The following GAS7 variants were observed in gnomAD, a reference collection of about 807,000 sequenced individuals.
GAS7 encodes growth arrest specific 7, also known as growth arrest-specific protein 7.
Under a neutral mutation model 71.1 loss-of-function variants are expected in GAS7, and 28 were observed. The ratio of observed to expected loss-of-function variants is 0.39; its 90% CI spans 0.29 to 0.54. GAS7 has a LOEUF of 0.54. Ranked by LOEUF, GAS7 falls within the 20% of genes least tolerant of loss-of-function variation. The pLI is 0.62. For missense variants in GAS7, 436 were observed against 627.8 expected (o/e 0.69, Z 3.27); for synonymous variants, 258 against 245.8 (o/e 1.05, Z -0.46).
intron 1 of GAS7, among the ~76,000 whole-genome samples, chr17:10,146,954 G>A (rs1037108373): frequency 3.4e-5 from 3 of 87,036 alleles, no homozygotes; most frequent in South Asian, 4.8e-4. Flanking sequence ...GCGAGACTCC[G>A]TCTCATAAAA....
At chr17:10,045,958 G>T (rs532553511) in intron 1 of GAS7, among the ~76,000 whole-genome samples, 1 of 152,086 alleles carries the variant, frequency 6.6e-6, no homozygotes, top group Admixed American at 6.6e-5. Context: ...TCACAGATTT[G>T]ATTTGGTTTC....
At chr17:9,999,487 T>C (rs968802471) in intron 2 of GAS7, among the ~76,000 whole-genome samples, 8 of 151,420 alleles carry the variant, frequency 5.3e-5, no homozygotes, top group African/African-American at 1.7e-4. Context: ...CACTGCACTC[T>C]ACCCTAAGTG....
At chr17:10,048,928 G>A (rs1224276082) in intron 1 of GAS7, among the ~76,000 whole-genome samples, 3 of 152,192 alleles carry the variant, frequency 2.0e-5, no homozygotes, top group African/African-American at 7.2e-5. Context: ...ATTGCGGGGG[G>A]GAAGATTAGT....
chr17:9,941,096 A>T (rs1040848377), intron 7 of GAS7, among the ~76,000 whole-genome samples: 2 of 152,198 alleles, frequency 1.3e-5, no homozygotes, highest in Non-Finnish European at 2.9e-5. Context: ...TGATGGAGAG[A>T]GGGCGGCTGA....
chr17:9,937,981 C>T (rs1005600794), intron 8 of GAS7, among the ~76,000 whole-genome samples: 7 of 152,138 alleles, frequency 4.6e-5, no homozygotes, highest in Non-Finnish European at 7.4e-5. Flanking sequence ...GCATTTAGGA[C>T]GAGACCAAAT....
rs566421543 is a variant in GAS7, at chr17:10,095,160, T to C, written c.184-75263A>G. Among the ~76,000 whole-genome samples the C allele has an allele frequency of 7.2e-5, 11 of 152,332 alleles. No homozygotes were observed. The South Asian group carries it at 2.3e-3, about 32-fold the overall frequency. On this transcript the variant is annotated intron_variant, in intron 1 of 13. Coordinates refer to ENST00000432992, the MANE Select transcript of GAS7 (RefSeq NM_201433.2). ...ACAGGGCTCTTATGGACGCTGAATGTGCCAAGAAGTGTAAATTACACCTGG... is the reference window on the plus strand; with the variant it reads ...ACAGGGCTCTTATGGACGCTGAATGCGCCAAGAAGTGTAAATTACACCTGG...
chr17:10,178,354 G>A (rs1051142871), intron 1 of GAS7, among the ~76,000 whole-genome samples: 2 of 151,704 alleles, frequency 1.3e-5, no homozygotes, highest in African/African-American at 2.4e-5. Flanking sequence ...CAAACTCGCC[G>A]CCCCCACCCC....
intron 2 of GAS7, among the ~76,000 whole-genome samples, chr17:10,016,612 A>C (rs1597695524): frequency 6.8e-6 from 1 of 146,622 alleles, no homozygotes; most frequent in South Asian, 2.1e-4. Flanking sequence ...CAAAAAAAAA[A>C]AAAAAAAAAA....
chr17:9,943,077 A>C, intron 7 of GAS7, 44 bp downstream of exon 7: 1 of 1,276,122 alleles, frequency 7.8e-7, no homozygotes, highest in Non-Finnish European at 1.1e-6. Flanking sequence ...GCCCCGGGGA[A>C]CACTGGTGCC....
At chr17:9,928,026 T>G (rs1404212439) in intron 9 of GAS7, among the ~76,000 whole-genome samples, 1 of 152,136 alleles carries the variant, frequency 6.6e-6, no homozygotes, top group Non-Finnish European at 1.5e-5. Flanking sequence ...ATTCCTTCCC[T>G]CTTTCCCATC....
intron 1 of GAS7, among the ~76,000 whole-genome samples, chr17:10,092,264 G>A (rs796792573): frequency 6.6e-6 from 1 of 152,216 alleles, no homozygotes; most frequent in Non-Finnish European, 1.5e-5. Flanking sequence ...CCTGCCAACC[G>A]CATCTAAAAT....
chr17:9,912,474 C>T lies in GAS7; in HGVS notation c.*4754G>A, dbSNP rs1348909305. The T allele has an allele frequency of 4.7e-5, 11 of 232,910 alleles. No homozygotes were observed. In the Admixed American group the frequency reaches 5.6e-4, roughly 12 times the overall value. 14.4% of individuals were successfully genotyped at this position (232,910 alleles called of 1,614,324 possible). A position where few individuals can be genotyped will look rare whatever the true frequency, so the allele number is the denominator to read the frequency against. On this transcript the variant is annotated 3_prime_UTR_variant, in exon 14 of 14. Coordinates refer to ENST00000432992, the MANE Select transcript of GAS7 (RefSeq NM_201433.2). ...CCTTCTTGTCCATGCTGCTTCTGCTCGCCTTTCAAAGCCTCCAACGCCCAA... is the reference window on the plus strand; with the variant it reads ...CCTTCTTGTCCATGCTGCTTCTGCTTGCCTTTCAAAGCCTCCAACGCCCAA...
chr17:10,155,142 G>A (rs1288746191), intron 1 of GAS7, among the ~76,000 whole-genome samples: 2 of 151,922 alleles, frequency 1.3e-5, no homozygotes, highest in African/African-American at 4.8e-5. Flanking sequence ...AGCCTCCCGA[G>A]TACCTGGGAT....
At position 9,959,141 on chromosome 17, in the gene GAS7, A is replaced by G; in HGVS notation, c.525+61T>C. On this transcript the variant is annotated intron_variant, in intron 5 of 13. Transcript: ENST00000432992. The surrounding 1 kb of genome is among the most constrained non-coding windows in gnomAD (Gnocchi z 5.0). ...TGGCGGTCCACATCGCCATGGCAAC[A>G]GCCCAGCCAAATGCCCCAGCTCGCA... 6.4e-7 allele frequency: 1 copy of G among 1,572,300 alleles called. No individual in the cohort carries two copies. Among genetic ancestry groups the G allele is most frequent in the Non-Finnish European group, 8.7e-7 (1 of 1,152,478 alleles).
Position 10,194,845 on chromosome 17 carries a change from C to A in GAS7, c.183+3363G>T, listed in dbSNP as rs923713625. Among the ~76,000 whole-genome samples the A allele has an allele frequency of 2.4e-5, 3 of 126,776 alleles. No homozygotes were observed. In the Admixed American group the frequency reaches 2.9e-4, roughly 12 times the overall value. The allele number at this position is 126,776 out of a possible 152,430, so 83.2% of individuals were successfully genotyped here. A position where few individuals can be genotyped will look rare whatever the true frequency, so the allele number is the denominator to read the frequency against. On this transcript the variant is annotated intron_variant, in intron 1 of 13. Coordinates refer to ENST00000432992, the MANE Select transcript of GAS7 (RefSeq NM_201433.2). ...CTGCACTCCAGCCTGAGCAACAGTG[C>A]GAGACTCTGTCTCAAAAAAAAAAAA... is the stretch of plus-strand genomic sequence containing the variant.
chr17:10,198,243 C>T lies in GAS7; in HGVS notation c.148G>A (p.Gly50Ser). 6.2e-7 allele frequency: 1 copy of T among 1,608,008 alleles called. No individual in the cohort carries two copies. Among genetic ancestry groups the T allele is most frequent in the Non-Finnish European group, 8.5e-7 (1 of 1,179,480 alleles). ...TGCACGTAGCTCGCCGGGAACCAGC[C>T]ACGGAGCCCGTCCTCCTTCTCGCCT... ...WEGEKEDGLR[G>S]WFPASYVQLL... The change falls in exon 1 of 14, where the codon GGC (glycine) becomes AGC (serine). Residue 50 changes from glycine (G) to serine (S), a missense_variant. Physicochemically the swap from Gly to Ser is moderately conservative, Grantham distance 56 (BLOSUM62 0). Coordinates refer to ENST00000432992, the MANE Select transcript of GAS7 (RefSeq NM_201433.2).
chr17:10,162,802 T>C (rs920503851), intron 1 of GAS7, among the ~76,000 whole-genome samples: 2 of 152,106 alleles, frequency 1.3e-5, no homozygotes, highest in African/African-American at 4.8e-5. Context: ...GTCAAATTCA[T>C]AGAGATAGAA....
At chr17:10,140,500 T>C (rs1306254289) in intron 1 of GAS7, among the ~76,000 whole-genome samples, 1 of 152,134 alleles carries the variant, frequency 6.6e-6, no homozygotes, top group African/African-American at 2.4e-5. Flanking sequence ...TCTGCATTTG[T>C]GTGTGTGTAC....
intron 6 of GAS7, among the ~76,000 whole-genome samples, chr17:9,944,893 A>C: frequency 6.6e-6 from 1 of 152,248 alleles, no homozygotes; most frequent in Non-Finnish European, 1.5e-5. Context: ...ACCAGCCAGA[A>C]GAAACAGGCT....
Sources: gnomAD v4.1 joint callset for allele counts (sites outside exome capture counted in the v4.1 genomes callset) on GRCh38, gnomAD v4.1.1 for gene constraint, Gnocchi (gnomAD v3.1) non-coding constraint, MANE v1.5 for transcripts, NCBI Gene and HGNC (gene_info 2026-07-23, HGNC 2026-07-21) for gene names.